Variants in DDX4 observed in about 807,000 individuals in gnomAD.
DDX4 encodes the protein probable ATP-dependent RNA helicase DDX4.
Under a neutral mutation model 100.0 loss-of-function variants are expected in DDX4, and 25 were observed. The ratio of observed to expected loss-of-function variants is 0.25; its 90% CI spans 0.18 to 0.35. The LOEUF (loss-of-function observed/expected upper bound fraction) is 0.35, where lower values mean the gene tolerates loss of function less well. Ranked by LOEUF, DDX4 falls within the 10% of genes least tolerant of loss-of-function variation. DDX4 has a pLI of 1.00. For missense variants in DDX4, 635 were observed against 882.4 expected (o/e 0.72, Z 3.55); for synonymous variants, 259 against 275.7 (o/e 0.94, Z 0.60).
intron 4 of DDX4, among the ~76,000 whole-genome samples, chr5:55,762,086 T>C (rs903574854): frequency 2.6e-5 from 4 of 152,206 alleles, no homozygotes; most frequent in African/African-American, 9.7e-5. Flanking sequence ...TAAAATACTT[T>C]TATAGTTGGG....
intron 14 of DDX4, 52 bp from the exon 15 acceptor site, chr5:55,787,794 G>A: frequency 1.3e-6 from 2 of 1,570,402 alleles, no homozygotes; most frequent in Non-Finnish European, 1.7e-6. Flanking sequence ...GCTTTCCATA[G>A]GGATAAAAGT....
chr5:55,809,691 G>A (rs1743993595), intron 18 of DDX4, among the ~76,000 whole-genome samples: 1 of 152,086 alleles, frequency 6.6e-6, no homozygotes, highest in Admixed American at 6.5e-5. Flanking sequence ...AGACAAAATG[G>A]GAACTGAGTT....
chr5:55,790,052 C>T (rs1384246735), intron 15 of DDX4, among the ~76,000 whole-genome samples: 1 of 151,148 alleles, frequency 6.6e-6, no homozygotes, highest in East Asian at 1.9e-4. Flanking sequence ...CAGAAATCAC[C>T]ACTAAATAAC....
chr5:55,809,913 T>C (rs1744014215), intron 18 of DDX4, among the ~76,000 whole-genome samples: 1 of 152,190 alleles, frequency 6.6e-6, no homozygotes, highest in Admixed American at 6.5e-5. Flanking sequence ...CTTTGATAAA[T>C]ATAGGGAAAC....
intron 17 of DDX4, among the ~76,000 whole-genome samples, chr5:55,793,287 T>C (rs1742708388): frequency 6.6e-6 from 1 of 152,108 alleles, no homozygotes; most frequent in African/African-American, 2.4e-5. Flanking sequence ...ACATCCCTAC[T>C]GGAATGGTGA....
At chr5:55,755,287 A>G (rs1486399535) in intron 3 of DDX4, among the ~76,000 whole-genome samples, 1 of 152,160 alleles carries the variant, frequency 6.6e-6, no homozygotes, top group Non-Finnish European at 1.5e-5. Context: ...TGATGTTTGC[A>G]TTAGGCTACT....
intron 5 of DDX4, 119 bp from the exon 6 acceptor site, chr5:55,763,895 A>G (rs1221980379): frequency 1.5e-6 from 1 of 668,932 alleles, no homozygotes; most frequent in East Asian, 2.6e-5. Context: ...TGCATGTGAT[A>G]GCTATGTATA....
At chr5:55,767,730 C>T (rs1291940956) in intron 6 of DDX4, 151 bp from the exon 7 acceptor site, 26 of 564,322 alleles carry the variant, frequency 4.6e-5, no homozygotes, top group Non-Finnish European at 7.8e-5. Flanking sequence ...CTTTATATAT[C>T]TGTTAAAATT....
intron 2 of DDX4, among the ~76,000 whole-genome samples, chr5:55,743,709 CG>C (rs1430678870): frequency 6.6e-6 from 1 of 152,272 alleles, no homozygotes; most frequent in African/African-American, 2.4e-5. Context: ...GAATTACAGG[CG>C]TGAGCCACCG....
chr5:55,776,814 A>G (rs995162345), intron 7 of DDX4, among the ~76,000 whole-genome samples: 2 of 152,208 alleles, frequency 1.3e-5, no homozygotes, highest in African/African-American at 2.4e-5. Context: ...ACAAGAAGCA[A>G]TGAGGAGCGA....
chr5:55,756,064 T>C (rs993437122), intron 3 of DDX4, among the ~76,000 whole-genome samples: 1 of 152,224 alleles, frequency 6.6e-6, no homozygotes, highest in Non-Finnish European at 1.5e-5. Flanking sequence ...TATTTGTGGA[T>C]GTATGATATT....
intron 3 of DDX4, among the ~76,000 whole-genome samples, chr5:55,752,813 G>T (rs993345880): frequency 1.8e-4 from 26 of 145,366 alleles, no homozygotes; most frequent in Admixed American, 1.1e-3. Flanking sequence ...GTGTAAAAGT[G>T]TTCCTATTTC....
chr5:55,742,714 T>G (rs533929946), intron 2 of DDX4, among the ~76,000 whole-genome samples: 9 of 152,332 alleles, frequency 5.9e-5, no homozygotes, highest in African/African-American at 2.2e-4. Context: ...AGACCTATGA[T>G]TCATTCAACA....
At chr5:55,756,672 C>G (rs898424834) in intron 3 of DDX4, among the ~76,000 whole-genome samples, 1 of 152,016 alleles carries the variant, frequency 6.6e-6, no homozygotes, top group Non-Finnish European at 1.5e-5. Flanking sequence ...ATATTTGAGC[C>G]TCTTTGGATT....
At chr5:55,812,838 C>G (rs1744194283) in intron 18 of DDX4, among the ~76,000 whole-genome samples, 1 of 151,158 alleles carries the variant, frequency 6.6e-6, no homozygotes. Flanking sequence ...ATTTGCCTCC[C>G]CATAGTGAAA....
intron 3 of DDX4, among the ~76,000 whole-genome samples, chr5:55,747,246 T>C (rs1759292328): frequency 6.6e-6 from 1 of 152,086 alleles, no homozygotes; most frequent in Non-Finnish European, 1.5e-5. Context: ...GGTGTGGTGC[T>C]GCATGCCTGC....
chr5:55,792,415 C>T (rs551866978), intron 16 of DDX4, among the ~76,000 whole-genome samples: 1 of 151,150 alleles, frequency 6.6e-6, no homozygotes, highest in East Asian at 2.0e-4. Context: ...GGCTGGAGTG[C>T]AGTGGCGCGA....
At chr5:55,765,498 A>G (rs1740860434) in intron 6 of DDX4, among the ~76,000 whole-genome samples, 1 of 147,854 alleles carries the variant, frequency 6.8e-6, no homozygotes, top group South Asian at 2.1e-4. Flanking sequence ...TCACGGTAGA[A>G]GCTTTTTACT....
At position 55,798,704 on chromosome 5, in the gene DDX4, T is replaced by C. The variant is rs10471955; in HGVS notation, c.1615+133T>C. The C allele has an allele frequency of 6.6e-3, 4,701 of 708,030 alleles. 22 individuals are homozygous for C. Among genetic ancestry groups the C allele is most frequent in the Non-Finnish European group, 7.8e-3 (3,856 of 493,398 alleles). The allele number at this position is 708,030 out of a possible 1,614,324, so 43.9% of individuals were successfully genotyped here. ...AAGTCTCTCTCCCTCTAAAGCTCTTTTATAAAAAATTTTATGATTCAGTTT... is the reference window on the plus strand; with the variant it reads ...AAGTCTCTCTCCCTCTAAAGCTCTTCTATAAAAAATTTTATGATTCAGTTT... On this transcript the variant is annotated intron_variant, in intron 18 of 21. Coordinates refer to ENST00000505374, the MANE Select transcript of DDX4 (RefSeq NM_024415.3).
Sources: gnomAD v4.1 joint callset for allele counts (sites outside exome capture counted in the v4.1 genomes callset) on GRCh38, gnomAD v4.1.1 for gene constraint, MANE v1.5 for transcripts, NCBI Gene and HGNC (gene_info 2026-07-23, HGNC 2026-07-21) for gene names.